The following ACSM2B variants were observed in gnomAD, a reference collection of about 807,000 sequenced individuals.
The protein encoded by ACSM2B is acyl-CoA synthetase medium chain family member 2B, also known as acyl-coenzyme A synthetase ACSM2B, mitochondrial.
ACSM2B carries 58 observed loss-of-function variants against 78.6 expected under a neutral mutation model. The observed-to-expected ratio is 0.74, with a 90% confidence interval of 0.60 to 0.92. The LOEUF is 0.92. Among genes scored for constraint, ACSM2B ranks in the 40% least tolerant of loss-of-function variants. The probability of loss-of-function intolerance (pLI) is 0.00; values close to 1 mark genes in which losing one functional copy is unlikely to be tolerated. For missense variants in ACSM2B, 688 were observed against 711.2 expected, an observed-to-expected ratio of 0.97 and a Z score of 0.37; for synonymous variants, 257 against 256.8, an observed-to-expected ratio of 1.00 and a Z score of -0.01.
rs1567214079 is a variant in ACSM2B at position 20,559,314 on chromosome 16, T to C, written c.311A>G (p.Gln104Arg). The change falls in exon 3 of 14, where the codon CAG (glutamine) becomes CGG (arginine). Residue 104 changes from glutamine (Q) to arginine (R), a missense_variant. By Grantham distance (43) the Gln-to-Arg change is conservative. Transcript: ENST00000329697. ...ANILSGACGL[Q>R]RGDRVAVMLP... is the part of the protein sequence containing the mutation. The stretch of plus-strand genomic sequence containing the variant: ...CATCACTGCCACACGATCCCCACGC[T>C]GCAGGCCACAGGCTCCCGAGAGGAT... The C allele has an allele frequency of 6.2e-7, 1 of 1,613,382 alleles. No homozygotes were observed. Among genetic ancestry groups the C allele is most frequent in the South Asian group, 1.1e-5 (1 of 90,956 alleles).
intron 9 of ACSM2B, 113 bp from the exon 10 acceptor site, chr16:20,545,371 T>A (rs2015107283): frequency 7.8e-7 from 1 of 1,276,046 alleles, no homozygotes; most frequent in Non-Finnish European, 1.1e-6. Flanking sequence ...TAGTGGAGAC[T>A]GAAAACGACA....
chr16:20,549,667 G>T, intron 6 of ACSM2B: 1 of 380,604 alleles, frequency 2.6e-6, no homozygotes, highest in Non-Finnish European at 5.1e-6. Flanking sequence ...CCATGACAGA[G>T]CCCTCAGGAG....
At position 20,545,297 on chromosome 16, in the gene ACSM2B, C is replaced by A. The variant is rs775027188; in HGVS notation, c.1180-39G>T. On this transcript the variant is annotated intron_variant, in intron 9 of 13. Transcript: ENST00000329697. Reference sequence around the variant, plus strand: ...CATATTGGAAGAATGACGCACACAGCAGGAGATGGCTTCAATGGCAGCAGG... The same window carrying A: ...CATATTGGAAGAATGACGCACACAGAAGGAGATGGCTTCAATGGCAGCAGG... 14 of 1,592,226 alleles carry A rather than the reference C, an allele frequency of 8.8e-6. No homozygotes were observed. The South Asian group carries it at 1.6e-4, about 18-fold the overall frequency.
intron 4 of ACSM2B, among the ~76,000 whole-genome samples, chr16:20,554,853 C>T (rs576344053): frequency 5.3e-5 from 8 of 152,316 alleles, no homozygotes; most frequent in East Asian, 3.9e-4. Flanking sequence ...GTGTGCATCA[C>T]GAGTGATTCA....
chr16:20,569,190 G>C (rs1211942240), intron 1 of ACSM2B, among the ~76,000 whole-genome samples: 3 of 151,920 alleles, frequency 2.0e-5, no homozygotes, highest in African/African-American at 7.2e-5. Context: ...AATTTTTATA[G>C]TTTCAGGTCT....
At chr16:20,565,239 C>T (rs1262518882) in intron 1 of ACSM2B, among the ~76,000 whole-genome samples, 1 of 152,150 alleles carries the variant, frequency 6.6e-6, no homozygotes, top group Non-Finnish European at 1.5e-5. Context: ...CTACCCAGTG[C>T]ATTTAGGAGG....
intron 5 of ACSM2B, among the ~76,000 whole-genome samples, chr16:20,553,416 C>T (rs1224063438): frequency 3.3e-5 from 5 of 152,206 alleles, no homozygotes; most frequent in South Asian, 2.1e-4. Context: ...AATTTGCTGC[C>T]GACAAAAACT....
intron 1 of ACSM2B, among the ~76,000 whole-genome samples, chr16:20,568,053 C>G (rs1256883912): frequency 2.1e-5 from 3 of 142,176 alleles, no homozygotes; most frequent in Non-Finnish European, 4.6e-5. Context: ...TTCTTCCTTC[C>G]AAGCTCATGG....
intron 13 of ACSM2B, among the ~76,000 whole-genome samples, chr16:20,537,944 A>G (rs2014888840): frequency 6.6e-6 from 1 of 152,086 alleles, no homozygotes; most frequent in Non-Finnish European, 1.5e-5. Context: ...CCCTAAGCAA[A>G]ATTATAATAT....
intron 3 of ACSM2B, 118 bp from the exon 4 acceptor site, chr16:20,555,594 C>A (rs1344714314): frequency 6.6e-7 from 1 of 1,509,142 alleles, no homozygotes; most frequent in Non-Finnish European, 8.8e-7. Flanking sequence ...GAAGTAATGA[C>A]CAATGGAGAA....
chr16:20,572,177 G>T (rs1450847434), intron 1 of ACSM2B, among the ~76,000 whole-genome samples: 4 of 150,742 alleles, frequency 2.7e-5, no homozygotes, highest in Admixed American at 2.0e-4. Flanking sequence ...GGTCATGTGA[G>T]GTTTATGCTT....
intron 3 of ACSM2B, among the ~76,000 whole-genome samples, chr16:20,558,070 G>T (rs1313499899): frequency 6.6e-6 from 1 of 152,202 alleles, no homozygotes; most frequent in Non-Finnish European, 1.5e-5. Context: ...TAGAATTATA[G>T]TTCAGGAGTC....
intron 13 of ACSM2B, among the ~76,000 whole-genome samples, chr16:20,537,918 A>G (rs1365122696): frequency 6.6e-6 from 1 of 152,178 alleles, no homozygotes; most frequent in Non-Finnish European, 1.5e-5. Flanking sequence ...CACATCAATC[A>G]TTTCCTATCA....
chr16:20,542,766 G>C, intron 12 of ACSM2B, 148 bp downstream of exon 12: 1 of 1,065,784 alleles, frequency 9.4e-7, no homozygotes, highest in South Asian at 1.6e-5. Flanking sequence ...AGGCCAAGTA[G>C]CTTACCCAAG....
rs766992913 is a variant in ACSM2B, at chr16:20,564,797, G to A, written c.49C>T (p.Gln17Ter). 1 of 1,613,036 alleles carries A rather than the reference G, an allele frequency of 6.2e-7. No individual in the cohort carries two copies. The highest frequency in any genetic ancestry group is 8.5e-7 in the Non-Finnish European group (1 of 1,179,380). Residue 17 changes from glutamine (Q) to a stop codon, truncating the protein, a stop_gained, in exon 2 of 14, where the codon CAG (glutamine) becomes TAG (stop). Transcript: ENST00000329697. LOFTEE classifies it high-confidence loss of function. ...VQGLCTLWGT[Q>*]MSSRTLYINS... ...ATGTAGAGAGTGCGGCTGGACATCT[G>A]AGTACCCCACAGGGTGCAAAGTCCC...
At chr16:20,575,411 T>C (rs894605032) in intron 1 of ACSM2B, 2 of 151,616 alleles carry the variant, frequency 1.3e-5, no homozygotes, top group Non-Finnish European at 2.9e-5. Context: ...GTTTATTCAG[T>C]ATTAACTCAC....
intron 1 of ACSM2B, among the ~76,000 whole-genome samples, chr16:20,566,528 TTA>T (rs1249176259): frequency 9.1e-6 from 1 of 109,448 alleles, no homozygotes; most frequent in East Asian, 2.3e-4. Flanking sequence ...TACAAATATG[TTA>T]TATATACTAT....
intron 1 of ACSM2B, among the ~76,000 whole-genome samples, chr16:20,571,165 G>C (rs949962797): frequency 1.3e-5 from 2 of 151,890 alleles, no homozygotes; most frequent in African/African-American, 4.8e-5. Context: ...GCCTTAGATT[G>C]TCTATTTGTG....
At chr16:20,554,970 C>A (rs1479673775) in intron 4 of ACSM2B, among the ~76,000 whole-genome samples, 1 of 152,200 alleles carries the variant, frequency 6.6e-6, no homozygotes, top group Non-Finnish European at 1.5e-5. Flanking sequence ...ACCCCCAGGA[C>A]AACCCTGAAC....
Sources: gnomAD v4.1 joint callset for allele counts (sites outside exome capture counted in the v4.1 genomes callset) on GRCh38, gnomAD v4.1.1 for gene constraint, MANE v1.5 for transcripts, NCBI Gene and HGNC (gene_info 2026-07-23, HGNC 2026-07-21) for gene names.